Variants in GREB1L observed in about 807,000 individuals in gnomAD.
The protein encoded by GREB1L is GREB1-like protein.
GREB1L carries 17 observed loss-of-function variants against 200.8 expected under a neutral mutation model. That is an observed-to-expected ratio of 0.08 (90% CI 0.06 to 0.13). The LOEUF (loss-of-function observed/expected upper bound fraction) is 0.13. Ranked by LOEUF, GREB1L falls within the 10% of genes least tolerant of loss-of-function variation. GREB1L has a pLI of 1.00. For synonymous variants in GREB1L, 789 were observed against 893.0 expected (o/e 0.88, Z 2.08); for missense variants, 1,657 against 2,367.7 (o/e 0.70, Z 6.23).
At chr18:21,421,839 T>G (rs1191853141) in intron 7 of GREB1L, among the ~76,000 whole-genome samples, 1 of 152,224 alleles carries the variant, frequency 6.6e-6, no homozygotes, top group Non-Finnish European at 1.5e-5. Flanking sequence ...GGAAGATTTT[T>G]TCCCCCAGTG....
chr18:21,278,880 T>C (rs1335287709), intron 1 of GREB1L, among the ~76,000 whole-genome samples: 1 of 152,204 alleles, frequency 6.6e-6, no homozygotes, highest in East Asian at 1.9e-4. Context: ...AATTTGAAAC[T>C]AATTAACATT....
In GREB1L at chr18:21,366,142, G is replaced by A. The variant is rs901942477; in HGVS notation, c.-10+6G>A. On this transcript the variant is annotated splice_donor_region_variant and intron_variant, in intron 2 of 32. Transcript: ENST00000424526. ...ATGTTAATAAATAAACCAAGGTATT[G>A]TACAATTATATATGACCCTCCCCAA... 3.3e-5 allele frequency: 5 copies of A among 152,070 alleles called. No individual in the cohort carries two copies. The highest frequency in any genetic ancestry group is 1.2e-4 in the African/African-American group (5 of 41,428). The allele number at this position is 152,070 out of a possible 1,614,324, so 9.4% of individuals were successfully genotyped here.
chr18:21,478,096 G>T (rs1247538560), intron 17 of GREB1L, among the ~76,000 whole-genome samples: 1 of 152,120 alleles, frequency 6.6e-6, no homozygotes, highest in African/African-American at 2.4e-5. Context: ...TTAGTCTGAT[G>T]ATCTGCATCA....
At chr18:21,320,901 T>G (rs2038941537) in intron 1 of GREB1L, among the ~76,000 whole-genome samples, 1 of 152,184 alleles carries the variant, frequency 6.6e-6, no homozygotes, top group African/African-American at 2.4e-5. Context: ...TGAAGAGTTC[T>G]TAAAAATTAG....
intron 5 of GREB1L, among the ~76,000 whole-genome samples, chr18:21,397,329 A>T (rs1467465089): frequency 6.6e-6 from 1 of 150,896 alleles, no homozygotes; most frequent in East Asian, 1.9e-4. Flanking sequence ...CGTCTCTACT[A>T]AAAAAAACCC....
At chr18:21,374,418 A>T (rs1183325695) in intron 2 of GREB1L, among the ~76,000 whole-genome samples, 2 of 152,216 alleles carry the variant, frequency 1.3e-5, no homozygotes, top group Admixed American at 1.3e-4. Context: ...GATTCCTTTC[A>T]GTGTGGAAGG....
chr18:21,380,026 G>A (rs2040238956), intron 2 of GREB1L, among the ~76,000 whole-genome samples: 1 of 152,074 alleles, frequency 6.6e-6, no homozygotes, highest in South Asian at 2.1e-4. Context: ...TTGTAAAAAA[G>A]AAACCTAACA....
At chr18:21,454,906 ACTC>A in intron 15 of GREB1L, 1 of 339,314 alleles carries the variant, frequency 2.9e-6, no homozygotes, top group Admixed American at 4.4e-5. Context: ...TGCCACCTGA[ACTC>A]CTCCCACCTG....
chr18:21,520,640 T>C, intron 31 of GREB1L, 48 bp from the exon 32 acceptor site: 1 of 1,547,948 alleles, frequency 6.5e-7, no homozygotes, highest in Non-Finnish European at 8.7e-7. Flanking sequence ...CTGCAGATAT[T>C]TTGCTTGCTC....
rs544628082 is a variant in GREB1L at position 21,402,361 on chromosome 18, ATCCT to A, written c.709+1053_709+1056del. Among the ~76,000 whole-genome samples the A allele has an allele frequency of 5.8e-3, 876 of 150,368 alleles. 3 individuals carry two copies. The highest frequency in any genetic ancestry group is 9.1e-3 in the Non-Finnish European group (613 of 67,522). On this transcript the variant is annotated intron_variant, in intron 6 of 32. Coordinates refer to ENST00000424526, the MANE Select transcript of GREB1L (RefSeq NM_001142966.3). ...ACTTCTTAGTACTCAGTGGCAATTC[ATCCT>A]TCCTTCCTTCCTTCCTTTCTTCCTT...
intron 1 of GREB1L, among the ~76,000 whole-genome samples, chr18:21,242,636 C>A (rs562664797): frequency 2.4e-4 from 36 of 152,254 alleles, no homozygotes; most frequent in African/African-American, 8.7e-4. Flanking sequence ...CCTTCCCTGC[C>A]GCCTCGCGTC....
intron 17 of GREB1L, 135 bp downstream of exon 17, chr18:21,477,491 G>T: frequency 1.4e-6 from 1 of 718,568 alleles, no homozygotes; most frequent in Non-Finnish European, 2.0e-6. Context: ...CTTTATGTAA[G>T]AGTTCAAAAA....
intron 23 of GREB1L, among the ~76,000 whole-genome samples, chr18:21,504,477 A>C (rs1438914268): frequency 6.6e-6 from 1 of 152,208 alleles, no homozygotes; most frequent in Non-Finnish European, 1.5e-5. Context: ...TCAAGGTTGC[A>C]GTGAGCTTAC....
At chr18:21,415,068 A>G (rs911758708) in intron 7 of GREB1L, among the ~76,000 whole-genome samples, 2 of 152,162 alleles carry the variant, frequency 1.3e-5, no homozygotes, top group Non-Finnish European at 2.9e-5. Flanking sequence ...AGGGGAGACC[A>G]GAGCAGCTAG....
At chr18:21,512,116 C>G (rs1422283968) in intron 27 of GREB1L, among the ~76,000 whole-genome samples, 1 of 152,206 alleles carries the variant, frequency 6.6e-6, no homozygotes, top group African/African-American at 2.4e-5. Flanking sequence ...GTTCTGAAAT[C>G]AGGAAGTGTG....
chr18:21,440,240 C>A (rs1423657869), intron 8 of GREB1L, 29 bp from the exon 9 acceptor site: 2 of 1,549,092 alleles, frequency 1.3e-6, no homozygotes, highest in Non-Finnish European at 1.7e-6. Flanking sequence ...AAGACTATCT[C>A]TTTTTTTTGT....
At chr18:21,428,332 C>CTTTT (rs59982674) in intron 7 of GREB1L, among the ~76,000 whole-genome samples, 5 of 54,024 alleles carry the variant, frequency 9.3e-5, no homozygotes, top group South Asian at 8.6e-4. Context: ...GTCTTTTTGT[C>CTTTT]TTTTTTTTTT....
chr18:21,278,579 A>G (rs1353699407), intron 1 of GREB1L, among the ~76,000 whole-genome samples: 3 of 151,988 alleles, frequency 2.0e-5, no homozygotes, highest in African/African-American at 7.2e-5. Context: ...TTCTGGGTGT[A>G]AAATGTTCTG....
intron 16 of GREB1L, among the ~76,000 whole-genome samples, chr18:21,476,012 T>A: frequency 7.5e-6 from 1 of 133,542 alleles, no homozygotes; most frequent in Non-Finnish European, 1.6e-5. Flanking sequence ...CAAATATGGA[T>A]CCATATTTGC....
Sources: allele counts gnomAD v4.1 joint callset (sites outside exome capture counted in the v4.1 genomes callset), GRCh38; gene constraint gnomAD v4.1.1; transcripts MANE v1.5; gene names NCBI Gene and HGNC (gene_info 2026-07-23, HGNC 2026-07-21).